Variants in FBXL17 observed in about 807,000 individuals in gnomAD.
The protein encoded by FBXL17 is F-box/LRR-repeat protein 17.
In FBXL17, 22 loss-of-function variants were observed where a neutral mutation model predicts 66.2. That is an observed-to-expected ratio of 0.33 (90% CI 0.24 to 0.47). The LOEUF is 0.47. FBXL17 is among the 20% of genes least tolerant of loss of function. The probability of loss-of-function intolerance (pLI) is 1.00; values close to 1 mark genes in which losing one functional copy is unlikely to be tolerated. For missense variants in FBXL17, 878 were observed against 948.2 expected (o/e 0.93, Z 0.97); for synonymous variants, 474 against 400.5 (o/e 1.18, Z -2.19).
chr5:107,879,227 C>T (rs1748703542), intron 8 of FBXL17: 2 of 985,320 alleles, frequency 2.0e-6, no homozygotes, highest in Non-Finnish European at 2.4e-6. Context: ...AGAATGGCTG[C>T]GGACACATAT....
At chr5:108,075,943 T>G (rs1284835738) in intron 6 of FBXL17, among the ~76,000 whole-genome samples, 1 of 152,228 alleles carries the variant, frequency 6.6e-6, no homozygotes, top group East Asian at 1.9e-4. Context: ...ACAAAACAAA[T>G]GAGTATTCAT....
chr5:108,321,371 C>G (rs17161236), intron 4 of FBXL17, among the ~76,000 whole-genome samples: 1 of 151,746 alleles, frequency 6.6e-6, no homozygotes, highest in Non-Finnish European at 1.5e-5. Context: ...AAAACGACTT[C>G]TTTCCAAGTA....
rs1031602887 is a variant in FBXL17, at chr5:108,066,483, A to G, written c.1746-45482T>C. ...AAAAATTATTATAATTTTAATATAAATGACTTCAAACAACTTAGATAATTC... is the reference window on the plus strand; with the variant it reads ...AAAAATTATTATAATTTTAATATAAGTGACTTCAAACAACTTAGATAATTC... On this transcript the variant is annotated intron_variant, in intron 6 of 8. Coordinates refer to ENST00000542267, the MANE Select transcript of FBXL17 (RefSeq NM_001163315.3). Among the ~76,000 whole-genome samples, 8 of 152,030 alleles carry G rather than the reference A, an allele frequency of 5.3e-5. No individual in the cohort carries two copies. In the East Asian group the frequency reaches 5.8e-4, roughly 11 times the overall value.
intron 7 of FBXL17, among the ~76,000 whole-genome samples, chr5:107,920,630 T>C (rs1490856785): frequency 6.6e-6 from 1 of 152,176 alleles, no homozygotes; most frequent in African/African-American, 2.4e-5. Flanking sequence ...GTAATATGAA[T>C]AAATCCACAC....
chr5:108,210,997 T>C (rs1754345617), intron 5 of FBXL17, among the ~76,000 whole-genome samples: 1 of 152,214 alleles, frequency 6.6e-6, no homozygotes, highest in East Asian at 1.9e-4. Flanking sequence ...GGTGCTCCTG[T>C]ATTGGGTGCA....
chr5:107,949,414 T>C (rs1239449703), intron 7 of FBXL17, among the ~76,000 whole-genome samples: 1 of 152,174 alleles, frequency 6.6e-6, no homozygotes, highest in East Asian at 1.9e-4. Context: ...GAAGAAAAGA[T>C]CTGGAAGAGT....
chr5:108,196,990 T>G (rs1325365384), intron 5 of FBXL17, among the ~76,000 whole-genome samples: 1 of 152,174 alleles, frequency 6.6e-6, no homozygotes, highest in African/African-American at 2.4e-5. Context: ...AAATGTGAAT[T>G]TGTTAATTGG....
intron 4 of FBXL17, among the ~76,000 whole-genome samples, chr5:108,241,280 T>A (rs1290104415): frequency 6.6e-6 from 1 of 152,214 alleles, no homozygotes; most frequent in Non-Finnish European, 1.5e-5. Context: ...CAGAATTTTA[T>A]CAGACAAGTT....
chr5:108,020,768 A>G lies in FBXL17; in HGVS notation c.1822+157T>C, dbSNP rs147680079. ...TTCATTTTACTCTGGTTCTTAGCTC[A>G]TAATTTTTTTATTTTTATTTTTTGG... On this transcript the variant is annotated intron_variant, in intron 7 of 8. Coordinates refer to ENST00000542267, the MANE Select transcript of FBXL17 (RefSeq NM_001163315.3). The G allele has an allele frequency of 6.4e-4, 348 of 544,348 alleles. 2 individuals are homozygous for G. Among genetic ancestry groups the G allele is most frequent in the African/African-American group, 5.7e-3 (301 of 52,836 alleles). 33.7% of individuals were successfully genotyped at this position (544,348 alleles called of 1,614,324 possible).
intron 6 of FBXL17, among the ~76,000 whole-genome samples, chr5:108,056,231 A>G (rs1309201923): frequency 6.6e-6 from 1 of 152,160 alleles, no homozygotes. Flanking sequence ...GGATGTAAAT[A>G]CTAATAATTT....
chr5:108,099,497 T>A (rs928383119), intron 6 of FBXL17, among the ~76,000 whole-genome samples: 49 of 151,912 alleles, frequency 3.2e-4, no homozygotes, highest in Admixed American at 2.2e-3. Context: ...TTAGAAAAAA[T>A]CAGACAAAAA....
At chr5:107,934,520 T>C (rs1750834666) in intron 7 of FBXL17, among the ~76,000 whole-genome samples, 1 of 152,190 alleles carries the variant, frequency 6.6e-6, no homozygotes, top group African/African-American at 2.4e-5. Flanking sequence ...TTTTTTCTTT[T>C]TAAAACTAGA....
At chr5:108,021,790 A>G (rs1754614239) in intron 6 of FBXL17, among the ~76,000 whole-genome samples, 1 of 151,910 alleles carries the variant, frequency 6.6e-6, no homozygotes, top group Non-Finnish European at 1.5e-5. Flanking sequence ...AAATTTGTGT[A>G]GTCATACAGA....
chr5:108,114,121 A>C (rs1247920657), intron 6 of FBXL17, among the ~76,000 whole-genome samples: 1 of 152,172 alleles, frequency 6.6e-6, no homozygotes, highest in Non-Finnish European at 1.5e-5. Flanking sequence ...TCATGAAGCT[A>C]ATCTTCATTA....
chr5:107,871,071 A>AC lies in FBXL17; in HGVS notation c.1966-9212_1966-9211insG, dbSNP rs1293224130. ...CTCTTGGGCGGCAAAAAAAAAAAAA[A>AC]AAAAAAAACCTCATCTAAAAATCTC... On this transcript the variant is annotated intron_variant, in intron 8 of 8. Transcript: ENST00000542267. 2.1e-4 allele frequency among the ~76,000 whole-genome samples: 31 copies of AC among 150,868 alleles called. 1 individual carries two copies. Among genetic ancestry groups the AC allele is most frequent in the Middle Eastern group, 3.4e-3 (1 of 292 alleles).
intron 6 of FBXL17, among the ~76,000 whole-genome samples, chr5:108,071,410 A>G (rs1043328974): frequency 6.6e-6 from 1 of 152,212 alleles, no homozygotes; most frequent in African/African-American, 2.4e-5. Flanking sequence ...ACTTGAAATT[A>G]GAAAGAAAAA....
intron 7 of FBXL17, among the ~76,000 whole-genome samples, chr5:107,977,849 G>A (rs1471187966): frequency 1.3e-5 from 2 of 152,198 alleles, no homozygotes; most frequent in Non-Finnish European, 2.9e-5. Flanking sequence ...TTAAAGGCAT[G>A]AACGTGGTTA....
chr5:108,152,940 T>C (rs1027647351), intron 6 of FBXL17, among the ~76,000 whole-genome samples: 5 of 152,178 alleles, frequency 3.3e-5, no homozygotes, highest in Non-Finnish European at 5.9e-5. Flanking sequence ...GGGAGGAACC[T>C]GGTGGGAGGT....
At position 108,364,877 on chromosome 5, in the gene FBXL17, G is replaced by A; in HGVS notation, c.1235C>T (p.Pro412Leu). The part of the protein sequence containing the change: ...NGVCVLAFKC[P>L]GLLRYTAYRC... The stretch of plus-strand genomic sequence containing the variant: ...GTAGGCTGTATACCTAAGAAGTCCA[G>A]GACATTTAAATGCTAAAACACATAC... The change falls in exon 3 of 9, where the codon CCT (proline) becomes CTT (leucine). Residue 412 changes from proline (P) to leucine (L), a missense_variant. Coordinates refer to ENST00000542267, the MANE Select transcript of FBXL17 (RefSeq NM_001163315.3). 1 of 1,613,062 alleles carries A rather than the reference G, an allele frequency of 6.2e-7. No homozygotes were observed. The highest frequency in any genetic ancestry group is 8.5e-7 in the Non-Finnish European group (1 of 1,179,362).
Sources: gnomAD v4.1 joint callset for allele counts (sites outside exome capture counted in the v4.1 genomes callset) on GRCh38, gnomAD v4.1.1 for gene constraint, MANE v1.5 for transcripts, NCBI Gene and HGNC (gene_info 2026-07-23, HGNC 2026-07-21) for gene names.